Variants in ZFPM2 observed in about 807,000 individuals in gnomAD.
ZFPM2 encodes the protein zinc finger protein ZFPM2.
In ZFPM2, 20 loss-of-function variants were observed where a neutral mutation model predicts 98.6. That is an observed-to-expected ratio of 0.20 (90% CI 0.14 to 0.29). The LOEUF (loss-of-function observed/expected upper bound fraction) is 0.29, where lower values mean the gene tolerates loss of function less well. ZFPM2 is among the 10% of genes least tolerant of loss of function. The probability of loss-of-function intolerance (pLI) is 1.00; values close to 1 mark genes in which losing one functional copy is unlikely to be tolerated. For synonymous variants in ZFPM2, 518 were observed against 502.7 expected, an observed-to-expected ratio of 1.03 and a Z score of -0.41; for missense variants, 1,310 against 1,388.6, an observed-to-expected ratio of 0.94 and a Z score of 0.90.
intron 5 of ZFPM2, among the ~76,000 whole-genome samples, chr8:105,740,172 T>C (rs1812179672): frequency 6.6e-6 from 1 of 152,024 alleles, no homozygotes; most frequent in Non-Finnish European, 1.5e-5. Flanking sequence ...CTTAAACCCA[T>C]GTGCCTCCTA....
In ZFPM2 at chr8:105,411,308, G is replaced by A. The variant is rs186848243; in HGVS notation, c.41-7836G>A. Among the ~76,000 whole-genome samples, 13 of 151,802 alleles carry A rather than the reference G, an allele frequency of 8.6e-5. No homozygotes were observed. The East Asian group carries it at 2.1e-3, about 25-fold the overall frequency. On this transcript the variant is annotated intron_variant, in intron 1 of 7. Coordinates refer to ENST00000407775, the MANE Select transcript of ZFPM2 (RefSeq NM_012082.4). ...TGGAATCTAGGATATTATATGAGAAGCCTTTCCTGCCCACCCTGCCACCAG... is the reference window on the plus strand; with the variant it reads ...TGGAATCTAGGATATTATATGAGAAACCTTTCCTGCCCACCCTGCCACCAG...
At chr8:105,548,765 T>G (rs1181400339) in intron 3 of ZFPM2, among the ~76,000 whole-genome samples, 8 of 152,128 alleles carry the variant, frequency 5.3e-5, no homozygotes, top group Admixed American at 2.6e-4. Flanking sequence ...CTGGTAAAAT[T>G]TTATCTTATA....
intron 2 of ZFPM2, among the ~76,000 whole-genome samples, chr8:105,429,246 A>C (rs1326525093): frequency 6.6e-6 from 1 of 152,078 alleles, no homozygotes; most frequent in Non-Finnish European, 1.5e-5. Context: ...ATTATGGCCC[A>C]GGCAAGTTAG....
chr8:105,777,216 T>G (rs1196971052), intron 5 of ZFPM2, among the ~76,000 whole-genome samples: 8 of 152,206 alleles, frequency 5.3e-5, no homozygotes, highest in African/African-American at 1.9e-4. Context: ...AAATGTTCTA[T>G]TGACATCAGA....
At chr8:105,731,674 T>C (rs1811942680) in intron 5 of ZFPM2, among the ~76,000 whole-genome samples, 2 of 151,620 alleles carry the variant, frequency 1.3e-5, no homozygotes, top group African/African-American at 4.8e-5. Context: ...AAATGATGAA[T>C]GAACAATCAA....
At chr8:105,350,981 G>A (rs1395357601) in intron 1 of ZFPM2, among the ~76,000 whole-genome samples, 3 of 151,706 alleles carry the variant, frequency 2.0e-5, no homozygotes, top group Admixed American at 6.6e-5. Context: ...TCAGGAGTTC[G>A]AGACCAGCCT....
At chr8:105,608,015 C>T (rs1434850243) in intron 4 of ZFPM2, among the ~76,000 whole-genome samples, 3 of 151,980 alleles carry the variant, frequency 2.0e-5, no homozygotes, top group East Asian at 1.9e-4. Context: ...TAAAAAAGAA[C>T]GAGATCATGT....
rs367671822 is a variant in ZFPM2, at chr8:105,694,235, C to A, written c.532+59878C>A. ...TCTCCTGACCTTGTGATCTGCCCCC[C>A]GCGGCCTCCCAAAGTGCTGGGATTA... On this transcript the variant is annotated intron_variant, in intron 5 of 7. Transcript: ENST00000407775. 3.3e-5 allele frequency among the ~76,000 whole-genome samples: 5 copies of A among 152,066 alleles called. No individual in the cohort carries two copies. In the East Asian group the frequency reaches 5.8e-4, roughly 18 times the overall value.
At chr8:105,451,261 G>T (rs7833297) in intron 3 of ZFPM2, among the ~76,000 whole-genome samples, 1 of 151,826 alleles carries the variant, frequency 6.6e-6, no homozygotes, top group South Asian at 2.1e-4. Flanking sequence ...CTTTTCATGA[G>T]ACACAGTACT....
chr8:105,742,220 A>G (rs1481746866), intron 5 of ZFPM2, among the ~76,000 whole-genome samples: 1 of 151,810 alleles, frequency 6.6e-6, no homozygotes, highest in African/African-American at 2.4e-5. Flanking sequence ...ACAAAACAAA[A>G]AAATTTAAAA....
At chr8:105,766,796 G>C (rs927455906) in intron 5 of ZFPM2, among the ~76,000 whole-genome samples, 14 of 151,712 alleles carry the variant, frequency 9.2e-5, no homozygotes, top group African/African-American at 3.1e-4. Flanking sequence ...TTATAGGTTG[G>C]CAATATTGCC....
intron 3 of ZFPM2, among the ~76,000 whole-genome samples, chr8:105,493,143 C>A (rs1302647031): frequency 2.0e-5 from 3 of 152,160 alleles, no homozygotes; most frequent in Non-Finnish European, 4.4e-5. Flanking sequence ...CTCTTAATGA[C>A]TTTCATTGCA....
chr8:105,480,209 A>G (rs374521006), intron 3 of ZFPM2, among the ~76,000 whole-genome samples: 2 of 152,194 alleles, frequency 1.3e-5, no homozygotes, highest in Admixed American at 6.5e-5. Context: ...GCAACCATAT[A>G]TCTTATGCCC....
chr8:105,534,432 T>C, intron 3 of ZFPM2, among the ~76,000 whole-genome samples: 1 of 147,442 alleles, frequency 6.8e-6, no homozygotes, highest in Admixed American at 6.8e-5. Flanking sequence ...TCTTCCTCCT[T>C]TTCTTCCTTC....
intron 3 of ZFPM2, among the ~76,000 whole-genome samples, chr8:105,472,389 T>C (rs1368038935): frequency 2.0e-5 from 3 of 152,246 alleles, no homozygotes; most frequent in African/African-American, 7.2e-5. Flanking sequence ...AGGCATGTTA[T>C]TGAATCATTA....
chr8:105,784,416 T>TTTG (rs1437749324), intron 5 of ZFPM2, among the ~76,000 whole-genome samples: 3 of 146,084 alleles, frequency 2.1e-5, no homozygotes, highest in African/African-American at 8.4e-5. Context: ...TGTAGACAGA[T>TTTG]TTGTTCATTG....
chr8:105,714,515 A>C (rs776742057), intron 5 of ZFPM2, among the ~76,000 whole-genome samples: 1 of 152,186 alleles, frequency 6.6e-6, no homozygotes. Context: ...AATTCAAATT[A>C]TATAAACTAA....
intron 1 of ZFPM2, among the ~76,000 whole-genome samples, chr8:105,341,150 T>A (rs1812422246): frequency 6.6e-6 from 1 of 151,898 alleles, no homozygotes; most frequent in Non-Finnish European, 1.5e-5. Flanking sequence ...ATGTAGTTAC[T>A]AAGGTAGGTA....
chr8:105,739,160 A>G (rs1812156161), intron 5 of ZFPM2, among the ~76,000 whole-genome samples: 1 of 152,064 alleles, frequency 6.6e-6, no homozygotes, highest in Non-Finnish European at 1.5e-5. Context: ...TCTGTAAACA[A>G]CTGCATGTTT....
Sources: gnomAD v4.1 joint callset for allele counts (sites outside exome capture counted in the v4.1 genomes callset) on GRCh38, gnomAD v4.1.1 for gene constraint, MANE v1.5 for transcripts, NCBI Gene and HGNC (gene_info 2026-07-23, HGNC 2026-07-21) for gene names.